RAF1: variants seen among roughly 807,000 people sequenced by gnomAD.
RAF1 encodes the protein Raf-1 proto-oncogene, serine/threonine kinase.
RAF1 carries 27 observed loss-of-function variants against 81.1 expected under a neutral mutation model. That is an observed-to-expected ratio of 0.33 (90% CI 0.25 to 0.46). RAF1 has a LOEUF of 0.46. Among genes scored for constraint, RAF1 ranks in the 20% least tolerant of loss-of-function variants. RAF1 has a pLI of 1.00. For missense variants in RAF1, 598 were observed against 826.0 expected (o/e 0.72, Z 3.38); for synonymous variants, 298 against 294.0 (o/e 1.01, Z -0.14).
intron 1 of RAF1, among the ~76,000 whole-genome samples, chr3:12,659,614 A>C (rs1172028151): frequency 6.7e-6 from 1 of 149,580 alleles, no homozygotes; most frequent in East Asian, 2.0e-4. Flanking sequence ...CTGATTTTCC[A>C]ATTAATTTAT....
intron 8 of RAF1, among the ~76,000 whole-genome samples, chr3:12,602,735 A>G (rs1350353445): frequency 2.6e-5 from 4 of 152,234 alleles, no homozygotes; most frequent in Non-Finnish European, 4.4e-5. Flanking sequence ...GATAAAGTCA[A>G]AATAATAAAA....
At chr3:12,586,400 A>AG (rs1225318926) in intron 14 of RAF1, among the ~76,000 whole-genome samples, 1 of 152,212 alleles carries the variant, frequency 6.6e-6, no homozygotes, top group African/African-American at 2.4e-5. Flanking sequence ...CAAACTTGTG[A>AG]GGAAAAAAAA....
intron 11 of RAF1, 134 bp downstream of exon 10, chr3:12,599,557 T>C (rs976623904): frequency 1.4e-6 from 1 of 699,394 alleles, no homozygotes; most frequent in Non-Finnish European, 2.6e-6. Context: ...TCTTCAGGTA[T>C]AATCAAGTAT....
chr3:12,656,231 T>C (rs916737091), intron 1 of RAF1, among the ~76,000 whole-genome samples: 13 of 151,514 alleles, frequency 8.6e-5, no homozygotes, highest in Non-Finnish European at 2.9e-5. Flanking sequence ...AAGATTATCA[T>C]TTATCCCCCC....
At chr3:12,625,317 A>C (rs979953986) in intron 1 of RAF1, among the ~76,000 whole-genome samples, 8 of 152,248 alleles carry the variant, frequency 5.3e-5, no homozygotes, top group South Asian at 2.1e-4. Context: ...TCCCAACCTC[A>C]GGTGATCCAC....
At chr3:12,660,984 G>A (rs921429002) in intron 1 of RAF1, among the ~76,000 whole-genome samples, 1 of 152,124 alleles carries the variant, frequency 6.6e-6, no homozygotes, top group African/African-American at 2.4e-5. Context: ...CTTTAGTACA[G>A]AAACAGTAAC....
At chr3:12,645,773 C>T (rs1435881866) in intron 1 of RAF1, among the ~76,000 whole-genome samples, 1 of 152,038 alleles carries the variant, frequency 6.6e-6, no homozygotes, top group Non-Finnish European at 1.5e-5. Context: ...GGGTGTCTCA[C>T]TATGTTGCCC....
At chr3:12,617,878 C>CAAAAAAAAAAAAA (rs1263362287) in intron 2 of RAF1, among the ~76,000 whole-genome samples, 8 of 90,002 alleles carry the variant, frequency 8.9e-5, no homozygotes, top group East Asian at 5.2e-4. Context: ...GAATCCGTCT[C>CAAAAAAAAAAAAA]AAAAAAAAAA....
intron 1 of RAF1, among the ~76,000 whole-genome samples, chr3:12,632,579 T>C (rs2059897225): frequency 6.6e-6 from 1 of 152,208 alleles, no homozygotes; most frequent in African/African-American, 2.4e-5. Context: ...AATTCCACAT[T>C]AGTCAGCTTT....
intron 1 of RAF1, among the ~76,000 whole-genome samples, chr3:12,653,079 T>G (rs1295635171): frequency 6.6e-6 from 1 of 152,090 alleles, no homozygotes; most frequent in Non-Finnish European, 1.5e-5. Flanking sequence ...GCCAGGAGTT[T>G]GAGACCACCC....
intron 11 of RAF1, among the ~76,000 whole-genome samples, chr3:12,592,953 A>G (rs2058566040): frequency 2.0e-5 from 3 of 150,862 alleles, no homozygotes; most frequent in Non-Finnish European, 4.4e-5. Context: ...GTTAGCCAGG[A>G]TGGTCTCGAT....
In RAF1 at chr3:12,584,588, A is replaced by G. The variant is rs2125316506; in HGVS notation, c.1933T>C (p.Leu645=). ...TCCTCAGTGTGGGCTGCCCGATGCA[A>G]GGATGGCTCGGAAGCGCTCCGGTTG... is the stretch of plus-strand genomic sequence containing the variant. The change falls in exon 18 of 18, where the codon TTG becomes CTG. Residue 645 remains leucine, a synonymous_variant. Transcript: ENST00000442415. 1.2e-6 allele frequency: 2 copies of G among 1,614,172 alleles called. No homozygotes were observed. Among genetic ancestry groups the G allele is most frequent in the South Asian group, 1.1e-5 (1 of 91,086 alleles).
chr3:12,584,570 T>C lies in RAF1; in HGVS notation c.1951A>G (p.Thr651Ala), dbSNP rs1183057432. ...AGCGTGCAAGCATTGATATCCTCAG[T>C]GTGGGCTGCCCGATGCAAGGATGGC... Residue 651 changes from threonine to alanine, a missense_variant, in exon 18 of 18, where the codon ACT becomes GCT. Thr to Ala is a moderately conservative substitution (Grantham distance 58). Coordinates refer to ENST00000442415, the MANE Select transcript of RAF1 (RefSeq NM_001354689.3). The C allele has an allele frequency of 1.9e-6, 3 of 1,614,128 alleles. No individual in the cohort carries two copies. The highest frequency in any genetic ancestry group is 2.5e-6 in the Non-Finnish European group (3 of 1,180,024).
Position 12,663,962 on chromosome 3 carries a change from T to G in RAF1, c.-176A>C, listed in dbSNP as rs905636247. On this transcript the variant is annotated 5_prime_UTR_variant, in exon 1 of 18. Transcript: ENST00000442415. ...GGAGCCCCGAGCAGCCCCCGCATCG[T>G]AGCAAACGCGCTCCGCGCCTCAGGG... is the stretch of plus-strand genomic sequence containing the variant. 1 of 398,292 alleles carries G rather than the reference T, an allele frequency of 2.5e-6. No individual in the cohort carries two copies. Among genetic ancestry groups the G allele is most frequent in the Non-Finnish European group, 4.4e-6 (1 of 225,916 alleles). The allele number at this position is 398,292 out of a possible 1,614,324, so 24.7% of individuals were successfully genotyped here.
At chr3:12,651,066 CTTTTA>C (rs1264161546) in intron 1 of RAF1, among the ~76,000 whole-genome samples, 6 of 152,098 alleles carry the variant, frequency 3.9e-5, no homozygotes, top group Non-Finnish European at 8.8e-5. Flanking sequence ...ACTTTGTTTC[CTTTTA>C]TTTTAAATAT....
At chr3:12,590,415 CCA>C (rs2058476086) in intron 13 of RAF1, 1 of 76,918 alleles carries the variant, frequency 1.3e-5, no homozygotes, top group Non-Finnish European at 2.3e-5. Context: ...CCTCTGCTTT[CCA>C]ATGTTCAAGC....
chr3:12,610,763 G>A (rs1012955459), intron 3 of RAF1, among the ~76,000 whole-genome samples: 1 of 152,200 alleles, frequency 6.6e-6, no homozygotes, highest in Non-Finnish European at 1.5e-5. Context: ...TTTCCAAGAA[G>A]AGGGTAAAAA....
chr3:12,614,300 A>T (rs1182031712), intron 2 of RAF1, among the ~76,000 whole-genome samples: 1 of 152,210 alleles, frequency 6.6e-6, no homozygotes, highest in Non-Finnish European at 1.5e-5. Flanking sequence ...GATTTGTGTC[A>T]AAACACTGGG....
intron 1 of RAF1, among the ~76,000 whole-genome samples, chr3:12,621,377 CA>C (rs1383303565): frequency 6.6e-6 from 1 of 152,116 alleles, no homozygotes; most frequent in Non-Finnish European, 1.5e-5. Flanking sequence ...TGTTTTCAAC[CA>C]AAAGTTTCTA....
Sources: allele counts gnomAD v4.1 joint callset (sites outside exome capture counted in the v4.1 genomes callset), GRCh38; gene constraint gnomAD v4.1.1; transcripts MANE v1.5; gene names NCBI Gene and HGNC (gene_info 2026-07-23, HGNC 2026-07-21).